The following CPE variants were observed in gnomAD, a reference collection of about 807,000 sequenced individuals.
The protein encoded by CPE is carboxypeptidase E.
A neutral mutation model predicts 53.5 loss-of-function variants in CPE; 17 were observed. That is an observed-to-expected ratio of 0.32 (90% CI 0.22 to 0.48). The LOEUF (loss-of-function observed/expected upper bound fraction) is 0.48. CPE is among the 20% of genes least tolerant of loss of function. CPE has a pLI of 0.99. For missense variants in CPE, 524 were observed against 614.7 expected (o/e 0.85, Z 1.56); for synonymous variants, 226 against 228.8 (o/e 0.99, Z 0.11).
intron 3 of CPE, 94 bp downstream of exon 3, chr4:165,467,949 T>C (rs1732138498): frequency 3.1e-5 from 43 of 1,372,080 alleles, no homozygotes; most frequent in Non-Finnish European, 4.3e-5. Flanking sequence ...AGGAGTAACA[T>C]CACAGCTTGT....
chr4:165,465,927 T>A lies in CPE; in HGVS notation c.504+1341T>A, dbSNP rs566635264. 2.6e-5 allele frequency among the ~76,000 whole-genome samples: 4 copies of A among 152,348 alleles called. No homozygotes were observed. In the South Asian group the frequency reaches 8.3e-4, roughly 32 times the overall value. On this transcript the variant is annotated intron_variant, in intron 2 of 8. Coordinates refer to ENST00000402744, the MANE Select transcript of CPE (RefSeq NM_001873.4). ...ATAGAATGATATGCTTTGAAATAGG[T>A]CATTTATAACTAGTGAATATATATT... is the stretch of plus-strand genomic sequence containing the variant.
intron 1 of CPE, among the ~76,000 whole-genome samples, chr4:165,401,035 T>C (rs1354125214): frequency 6.6e-6 from 1 of 150,436 alleles, no homozygotes; most frequent in Non-Finnish European, 1.5e-5. Flanking sequence ...AATCTTTATC[T>C]TACTTGACCT....
rs920233098 is a variant in CPE at position 165,440,458 on chromosome 4, C to T, written c.308-23932C>T. Among the ~76,000 whole-genome samples the T allele has an allele frequency of 1.3e-4, 19 of 144,382 alleles. 2 individuals carry two copies. The highest frequency in any genetic ancestry group is 1.3e-3 in the South Asian group (6 of 4,640). 94.7% of individuals were successfully genotyped at this position (144,382 alleles called of 152,430 possible). A position where few individuals can be genotyped will look rare whatever the true frequency, so the allele number is the denominator to read the frequency against. On this transcript the variant is annotated intron_variant, in intron 1 of 8. Transcript: ENST00000402744. ...TGCTGCTGCTCTCACAACCCCACCC[C>T]CCCCCACACACACAAGCTGTGGTTT...
intron 8 of CPE, among the ~76,000 whole-genome samples, chr4:165,496,481 T>C (rs577897233): frequency 1.3e-4 from 20 of 152,310 alleles, no homozygotes; most frequent in African/African-American, 3.9e-4. Flanking sequence ...GGGAACAAGT[T>C]GTAAAGGTTC....
At chr4:165,460,036 G>A (rs1464605427) in intron 1 of CPE, among the ~76,000 whole-genome samples, 5 of 151,732 alleles carry the variant, frequency 3.3e-5, no homozygotes, top group African/African-American at 9.7e-5. Flanking sequence ...CCCCCACCCC[G>A]TTGCTAGGAG....
Position 165,484,443 on chromosome 4 carries a change from C to T in CPE, c.812C>T (p.Ser271Phe). ...TRSGSAHEYS[S>F]SPDDAIFQSL... ...CTAGGTAGTGCTCACGAATACAGCTCCTCCCCAGATGACGCCATTTTCCAA... is the reference window on the plus strand; with the variant it reads ...CTAGGTAGTGCTCACGAATACAGCTTCTCCCCAGATGACGCCATTTTCCAA... Residue 271 changes from serine to phenylalanine, a missense_variant, in exon 5 of 9, where the codon TCC becomes TTC. Physicochemically the swap from Ser to Phe is radical, Grantham distance 155. Transcript: ENST00000402744. 6.2e-7 allele frequency: 1 copy of T among 1,613,978 alleles called. No homozygotes were observed. Among genetic ancestry groups the T allele is most frequent in the Non-Finnish European group, 8.5e-7 (1 of 1,179,922 alleles).
intron 1 of CPE, among the ~76,000 whole-genome samples, chr4:165,455,865 CTGGTGTGGAA>C (rs1305916090): frequency 6.6e-6 from 1 of 152,118 alleles, no homozygotes; most frequent in East Asian, 1.9e-4. Flanking sequence ...GTTGGCCAGG[CTGGTGTGGAA>C]CTCCTGACCT....
chr4:165,419,094 T>C (rs1560876074), intron 1 of CPE, among the ~76,000 whole-genome samples: 1 of 152,290 alleles, frequency 6.6e-6, no homozygotes, highest in East Asian at 1.9e-4. Context: ...TTACAACTCT[T>C]TTCTAGGTCA....
At chr4:165,384,353 C>T (rs1191904986) in intron 1 of CPE, among the ~76,000 whole-genome samples, 1 of 152,190 alleles carries the variant, frequency 6.6e-6, no homozygotes, top group Non-Finnish European at 1.5e-5. Context: ...CATGGGATTT[C>T]CTCCTCTCCC....
intron 1 of CPE, among the ~76,000 whole-genome samples, chr4:165,450,945 T>G (rs1203086098): frequency 6.6e-6 from 1 of 152,234 alleles, no homozygotes; most frequent in African/African-American, 2.4e-5. Context: ...TCTCTCTTTC[T>G]TTCCCCCACT....
chr4:165,469,068 G>A (rs1370686), intron 3 of CPE, among the ~76,000 whole-genome samples: 56,575 of 152,038 alleles, frequency 0.37, 10,963 homozygotes, highest in Middle Eastern at 0.46. Flanking sequence ...AGTACTTGAA[G>A]CCAGGACCTG....
chr4:165,424,439 T>C (rs28888680), intron 1 of CPE, among the ~76,000 whole-genome samples: 44,868 of 151,922 alleles, frequency 0.3, 6,721 homozygotes, highest in Middle Eastern at 0.39. Flanking sequence ...CATGTTTGAT[T>C]TTATTATTTT....
intron 6 of CPE, among the ~76,000 whole-genome samples, chr4:165,487,968 C>A (rs1185164644): frequency 6.6e-6 from 1 of 152,048 alleles, no homozygotes; most frequent in Non-Finnish European, 1.5e-5. Context: ...TAGGGGCATG[C>A]AAGTACAGGA....
chr4:165,464,681 C>T (rs900876085), intron 2 of CPE, 95 bp downstream of exon 2: 2 of 1,107,756 alleles, frequency 1.8e-6, no homozygotes, highest in South Asian at 1.8e-5. Flanking sequence ...TCGCACAAAG[C>T]TTACAGATGG....
At chr4:165,462,155 T>G (rs1470218150) in intron 1 of CPE, among the ~76,000 whole-genome samples, 1 of 152,180 alleles carries the variant, frequency 6.6e-6, no homozygotes, top group African/African-American at 2.4e-5. Flanking sequence ...AATCAGGAGT[T>G]GCAAACATAA....
In CPE at chr4:165,487,367, CAGA is replaced by C. The variant is rs1732523528; in HGVS notation, c.974-67_974-65del. ...TGTACCTTTTACTTGGTTCTTGATT[CAGA>C]AGACTAGCCTGTGTAGAGTTTTAGG... On this transcript the variant is annotated intron_variant, in intron 5 of 8. Transcript: ENST00000402744. The C allele has an allele frequency of 7.6e-6, 12 of 1,584,548 alleles. No homozygotes were observed. In the Admixed American group the frequency reaches 8.7e-5, roughly 12 times the overall value.
At position 165,401,005 on chromosome 4, in the gene CPE, A is replaced by G. The variant is rs550582262; in HGVS notation, c.307+21477A>G. The stretch of plus-strand genomic sequence containing the variant: ...TGAGTTATCCCAGCTCTTCATCACC[A>G]GTTCTAATGAGCCGTTTTCAATCTT... On this transcript the variant is annotated intron_variant, in intron 1 of 8. Transcript: ENST00000402744. Among the ~76,000 whole-genome samples, 422 of 152,164 alleles carry G rather than the reference A, an allele frequency of 2.8e-3. 2 individuals carry two copies. The highest frequency in any genetic ancestry group is 9.9e-3 in the African/African-American group (411 of 41,520).
intron 4 of CPE, among the ~76,000 whole-genome samples, chr4:165,483,271 C>T (rs1270915650): frequency 1.3e-5 from 2 of 152,140 alleles, no homozygotes; most frequent in Non-Finnish European, 2.9e-5. Context: ...TTATTTCGCT[C>T]CAGATAATGG....
chr4:165,493,301 G>C (rs777922363), intron 7 of CPE, 31 bp downstream of exon 7: 1 of 1,423,744 alleles, frequency 7.0e-7, no homozygotes, highest in East Asian at 2.3e-5. Flanking sequence ...GAGGCTCTAC[G>C]TTATGTACAA....
Sources: allele counts gnomAD v4.1 joint callset (sites outside exome capture counted in the v4.1 genomes callset), GRCh38; gene constraint gnomAD v4.1.1; transcripts MANE v1.5; gene names NCBI Gene and HGNC (gene_info 2026-07-23, HGNC 2026-07-21).